GARIN3: variants seen among roughly 807,000 people sequenced by gnomAD.
GARIN3 encodes the protein Golgi-associated RAB2 interactor protein 3.
chr5:157,163,456 G>A, the GARIN3 span: 1 of 1,614,198 alleles, frequency 6.2e-7, no homozygotes, highest in Non-Finnish European at 8.5e-7. Flanking sequence ...TCCTGCCACT[G>A]CCATGCCACC....
chr5:157,165,604 G>C, the GARIN3 span: 3 of 1,613,966 alleles, frequency 1.9e-6, no homozygotes, highest in Non-Finnish European at 2.5e-6. Context: ...TCCCCAGATA[G>C]AAGTGTTGGG....
the GARIN3 span, chr5:157,162,829 T>C: frequency 6.2e-7 from 1 of 1,614,190 alleles, no homozygotes; most frequent in East Asian, 2.2e-5. Flanking sequence ...TTCTTTTTTG[T>C]CATCTCTCGT....
the GARIN3 span, among the ~76,000 whole-genome samples, chr5:157,164,886 G>A: frequency 6.6e-6 from 1 of 152,104 alleles, no homozygotes; most frequent in East Asian, 1.9e-4. Flanking sequence ...TGGACGTGGT[G>A]GCAGGTGCCT....
the GARIN3 span, chr5:157,166,066 T>G: frequency 6.2e-7 from 1 of 1,614,206 alleles, no homozygotes; most frequent in South Asian, 1.1e-5. Context: ...TACTCTCCTC[T>G]GTTGTACAAT....
chr5:157,163,398 C>T, the GARIN3 span: 12 of 1,614,180 alleles, frequency 7.4e-6, no homozygotes, highest in African/African-American at 1.1e-4. Context: ...TTGCAGGACT[C>T]ATTGCTGCCC....
At chr5:157,165,769 C>T in the GARIN3 span, 14 of 1,613,958 alleles carry the variant, frequency 8.7e-6, no homozygotes, top group African/African-American at 4.0e-5. Flanking sequence ...TTCTCATGAT[C>T]GTGGATGGAG....
chr5:157,165,725 A>C, the GARIN3 span: 1 of 1,614,200 alleles, frequency 6.2e-7, no homozygotes, highest in Non-Finnish European at 8.5e-7. Flanking sequence ...GATAAAAAGT[A>C]CGGCCAGTGG....
chr5:157,163,599 A>G, the GARIN3 span: 1 of 1,614,092 alleles, frequency 6.2e-7, no homozygotes, highest in Non-Finnish European at 8.5e-7. Context: ...CTGCAGATAC[A>G]TCACAAGGCT....
At chr5:157,165,121 T>A in the GARIN3 span, among the ~76,000 whole-genome samples, 1 of 152,240 alleles carries the variant, frequency 6.6e-6, no homozygotes, top group Non-Finnish European at 1.5e-5. Flanking sequence ...GTGGGTACAA[T>A]GTATATTATT....
chr5:157,162,879 C>A, the GARIN3 span: 1 of 1,614,164 alleles, frequency 6.2e-7, no homozygotes, highest in Non-Finnish European at 8.5e-7. Flanking sequence ...AAGACGCTTT[C>A]TGATTCTTGT....
the GARIN3 span, chr5:157,162,290 A>T: frequency 8.7e-7 from 1 of 1,144,080 alleles, no homozygotes; most frequent in African/African-American, 1.6e-5. Context: ...CTGTGAGGTC[A>T]CCACCAGGCT....
the GARIN3 span, chr5:157,163,424 C>T: frequency 6.2e-7 from 1 of 1,614,244 alleles, no homozygotes; most frequent in Non-Finnish European, 8.5e-7. Flanking sequence ...ATTGCCACAT[C>T]TGTTCTAGGT....
chr5:157,162,584 C>A, the GARIN3 span: 3 of 1,614,178 alleles, frequency 1.9e-6, no homozygotes, highest in Non-Finnish European at 2.5e-6. Context: ...ATCTTAGCCA[C>A]GATATCTACC....
At chr5:157,162,203 C>T in the GARIN3 span, 424 of 561,792 alleles carry the variant, frequency 7.5e-4, 2 homozygotes, top group Middle Eastern at 2.9e-3. Context: ...CTCTGCTGGC[C>T]GTGGGCGGGT....
the GARIN3 span, chr5:157,165,941 GCAGACGA>G: frequency 6.2e-7 from 1 of 1,614,164 alleles, no homozygotes; most frequent in South Asian, 1.1e-5. Flanking sequence ...TGGGGCTGGT[GCAGACGA>G]TGCCCACTGT....
the GARIN3 span, chr5:157,162,186 A>C: frequency 1.9e-6 from 1 of 527,254 alleles, no homozygotes; most frequent in East Asian, 3.3e-5. Context: ...CTGAACACTC[A>C]CGTTGGCTCT....
chr5:157,163,235 C>T, the GARIN3 span: 6 of 1,613,988 alleles, frequency 3.7e-6, no homozygotes, highest in South Asian at 6.6e-5. Flanking sequence ...CCCACCAAGG[C>T]CAAGCTAATA....
chr5:157,162,298 G>A, the GARIN3 span: 4 of 1,225,320 alleles, frequency 3.3e-6, no homozygotes, highest in East Asian at 2.3e-5. Context: ...TCACCACCAG[G>A]CTATGGGCAG....
chr5:157,163,775 G>A, the GARIN3 span: 2 of 1,366,254 alleles, frequency 1.5e-6, no homozygotes, highest in Admixed American at 2.5e-5. Flanking sequence ...AAGAACCTGG[G>A]TCGGGTGTGG....
Sources: allele counts gnomAD v4.1 joint callset (sites outside exome capture counted in the v4.1 genomes callset), GRCh38; gene constraint gnomAD v4.1.1; transcripts MANE v1.5; gene names NCBI Gene and HGNC (gene_info 2026-07-23, HGNC 2026-07-21).